IMMP1L: variants seen among roughly 807,000 people sequenced by gnomAD.
IMMP1L encodes the protein mitochondrial inner membrane protease subunit 1.
In IMMP1L, 24 loss-of-function variants were observed where a neutral mutation model predicts 21.8. The ratio of observed to expected loss-of-function variants is 1.10; its 90% CI spans 0.80 to 1.55. The LOEUF (loss-of-function observed/expected upper bound fraction) is 1.55. Ranked by LOEUF, IMMP1L falls within the 40% of genes most tolerant of loss-of-function variation. The pLI is 0.00. For missense variants in IMMP1L, 195 were observed against 200.7 expected (o/e 0.97, Z 0.17); for synonymous variants, 46 against 62.8 (o/e 0.73, Z 1.26).
intron 3 of IMMP1L, among the ~76,000 whole-genome samples, chr11:31,460,240 T>G (rs991136480): frequency 6.6e-6 from 1 of 152,112 alleles, no homozygotes; most frequent in Admixed American, 6.6e-5. Context: ...TAGCAATCAA[T>G]AGAACTACAG....
chr11:31,432,515 T>G lies in IMMP1L; in HGVS notation c.486A>C (p.Arg162Ser). The change falls in exon 6 of 6, where the codon AGA becomes AGC. Residue 162 changes from arginine (R) to serine (S), a missense_variant. By Grantham distance (110) the Arg-to-Ser change is moderately radical (BLOSUM62 -1). Transcript: ENST00000532287. ...GFLRASPNGH[R>S]FSDD ...TAAATGCTTACTAATCATCAGAAAA[T>G]CTGTGGCCATTAGGGCTGGCACGTA... 6.2e-7 allele frequency: 1 copy of G among 1,611,952 alleles called. No homozygotes were observed. The highest frequency in any genetic ancestry group is 8.5e-7 in the Non-Finnish European group (1 of 1,178,548).
intron 1 of IMMP1L, among the ~76,000 whole-genome samples, chr11:31,499,304 G>A (rs756446698): frequency 2.5e-4 from 38 of 152,184 alleles, no homozygotes; most frequent in Non-Finnish European, 1.5e-4. Context: ...CGCGGAGCTT[G>A]CAGTGAGCTG....
intron 1 of IMMP1L, among the ~76,000 whole-genome samples, chr11:31,507,007 C>T (rs1044910492): frequency 2.0e-5 from 3 of 151,694 alleles, no homozygotes; most frequent in Non-Finnish European, 4.4e-5. Context: ...TTGGCTGACG[C>T]GCTGGCTCAC....
chr11:31,488,580 GA>G (rs1782907607), intron 1 of IMMP1L, among the ~76,000 whole-genome samples: 1 of 152,146 alleles, frequency 6.6e-6, no homozygotes, highest in Non-Finnish European at 1.5e-5. Context: ...TCTAGACTGA[GA>G]CATAGAAAGG....
chr11:31,499,817 A>T (rs973289681), intron 1 of IMMP1L, among the ~76,000 whole-genome samples: 1 of 152,084 alleles, frequency 6.6e-6, no homozygotes, highest in Non-Finnish European at 1.5e-5. Context: ...CTGGTCCCAG[A>T]AAATGTATGC....
intron 1 of IMMP1L, among the ~76,000 whole-genome samples, chr11:31,470,354 G>A (rs773542210): frequency 1.7e-4 from 26 of 151,632 alleles, no homozygotes; most frequent in South Asian, 4.2e-4. Flanking sequence ...CGGAGGTTGC[G>A]GTGAGCCGAG....
chr11:31,499,344 G>A (rs1195993714), intron 1 of IMMP1L, among the ~76,000 whole-genome samples: 1 of 149,414 alleles, frequency 6.7e-6, no homozygotes, highest in Non-Finnish European at 1.5e-5. Context: ...CAGCCTGGGC[G>A]ACAGAGTGAG....
chr11:31,454,449 CAAAAAAAAAAAAAA>C (rs71463320), intron 4 of IMMP1L, among the ~76,000 whole-genome samples: 2 of 30,400 alleles, frequency 6.6e-5, no homozygotes, highest in African/African-American at 8.9e-5. Flanking sequence ...AAGACCATGT[CAAAAAAAAAAAAAA>C]AAAAAAAAAA....
At chr11:31,442,174 C>T (rs1438506942) in intron 4 of IMMP1L, among the ~76,000 whole-genome samples, 2 of 152,082 alleles carry the variant, frequency 1.3e-5, no homozygotes, top group Middle Eastern at 3.4e-3. Context: ...ACTTCCTGAG[C>T]TAGGTTTACT....
chr11:31,440,120 A>C (rs1008555896), intron 4 of IMMP1L, among the ~76,000 whole-genome samples: 12 of 152,298 alleles, frequency 7.9e-5, no homozygotes, highest in Admixed American at 4.6e-4. Context: ...TCTTTGTCTC[A>C]ACTCAGCAAA....
At chr11:31,505,764 C>T (rs1423291467) in intron 1 of IMMP1L, among the ~76,000 whole-genome samples, 6 of 152,190 alleles carry the variant, frequency 3.9e-5, no homozygotes, top group African/African-American at 1.4e-4. Context: ...GACTACTCAA[C>T]ATGAAAAATG....
intron 1 of IMMP1L, among the ~76,000 whole-genome samples, chr11:31,493,065 G>A (rs964200692): frequency 1.3e-5 from 2 of 152,114 alleles, no homozygotes; most frequent in African/African-American, 2.4e-5. Context: ...TTCAAAGCTC[G>A]ATACAGGGAA....
At chr11:31,451,948 C>T (rs549311809) in intron 4 of IMMP1L, among the ~76,000 whole-genome samples, 8 of 152,198 alleles carry the variant, frequency 5.3e-5, no homozygotes, top group African/African-American at 1.9e-4. Flanking sequence ...GTCCCAAAAA[C>T]TAAGTGAAAC....
intron 1 of IMMP1L, among the ~76,000 whole-genome samples, chr11:31,490,415 T>C (rs1283609737): frequency 6.7e-6 from 1 of 150,128 alleles, no homozygotes; most frequent in African/African-American, 2.5e-5. Flanking sequence ...GAGGTTGCAG[T>C]GAGCTGAGAT....
At chr11:31,446,967 CA>C (rs1246506774) in intron 4 of IMMP1L, among the ~76,000 whole-genome samples, 1 of 152,176 alleles carries the variant, frequency 6.6e-6, no homozygotes, top group African/African-American at 2.4e-5. Context: ...GTTCCTCAGA[CA>C]CACTAGCCAT....
At chr11:31,495,014 T>C (rs1276152121) in intron 1 of IMMP1L, among the ~76,000 whole-genome samples, 1 of 152,182 alleles carries the variant, frequency 6.6e-6, no homozygotes, top group Non-Finnish European at 1.5e-5. Context: ...TTCCACCAGA[T>C]ACCCTAAATC....
At chr11:31,484,481 T>C (rs1467550626) in intron 1 of IMMP1L, among the ~76,000 whole-genome samples, 1 of 151,960 alleles carries the variant, frequency 6.6e-6, no homozygotes, top group Non-Finnish European at 1.5e-5. Context: ...GAGTATTTCA[T>C]TGTGTAGTTG....
At chr11:31,481,508 C>T (rs898588237) in intron 1 of IMMP1L, among the ~76,000 whole-genome samples, 1 of 151,760 alleles carries the variant, frequency 6.6e-6, no homozygotes, top group African/African-American at 2.4e-5. Context: ...TAGGCAATTA[C>T]TTTCATTAGG....
chr11:31,483,043 G>A (rs1294634491), intron 1 of IMMP1L, among the ~76,000 whole-genome samples: 2 of 151,762 alleles, frequency 1.3e-5, no homozygotes, highest in Admixed American at 1.3e-4. Flanking sequence ...GTTGAACAAA[G>A]GAAATCAGAC....
Sources: gnomAD v4.1 joint callset for allele counts (sites outside exome capture counted in the v4.1 genomes callset) on GRCh38, gnomAD v4.1.1 for gene constraint, MANE v1.5 for transcripts, NCBI Gene and HGNC (gene_info 2026-07-23, HGNC 2026-07-21) for gene names.